The following SLC35F3 variants were observed in gnomAD, a reference collection of about 807,000 sequenced individuals.
SLC35F3 encodes putative thiamine transporter SLC35F3.
In SLC35F3, 25 loss-of-function variants were observed where a neutral mutation model predicts 49.9. The observed-to-expected ratio is 0.50, with a 90% CI of 0.37 to 0.70. The LOEUF is 0.70. Ranked by LOEUF, SLC35F3 falls within the 30% of genes least tolerant of loss-of-function variation. The probability of loss-of-function intolerance (pLI) is 0.00; values close to 1 mark genes in which losing one functional copy is unlikely to be tolerated. For synonymous variants in SLC35F3, 275 were observed against 265.4 expected (o/e 1.04, Z -0.35); for missense variants, 525 against 639.8 (o/e 0.82, Z 1.94).
chr1:234,031,981 C>T (rs936213779), intron 2 of SLC35F3, among the ~76,000 whole-genome samples: 4 of 152,104 alleles, frequency 2.6e-5, no homozygotes, highest in Non-Finnish European at 5.9e-5. Context: ...CAGCCCACTG[C>T]ACCCCTCCAA....
intron 2 of SLC35F3, among the ~76,000 whole-genome samples, chr1:234,222,161 G>A (rs1667216053): frequency 6.6e-6 from 1 of 152,208 alleles, no homozygotes; most frequent in Non-Finnish European, 1.5e-5. Flanking sequence ...GGCATAAAAG[G>A]AGGTACAGAA....
At chr1:233,963,854 T>G (rs12135117) in intron 2 of SLC35F3, among the ~76,000 whole-genome samples, 1 of 152,164 alleles carries the variant, frequency 6.6e-6, no homozygotes, top group East Asian at 1.9e-4. Context: ...TTTGCACTTA[T>G]AGTTGGCTCT....
chr1:234,083,833 T>C (rs1386034618), intron 2 of SLC35F3, among the ~76,000 whole-genome samples: 1 of 105,626 alleles, frequency 9.5e-6, no homozygotes, highest in African/African-American at 3.4e-5. Context: ...TTGTTTTTGG[T>C]TTTGGCTTTT....
rs1190316188 is a variant in SLC35F3, at chr1:234,318,828, C to T, written c.1032C>T (p.Asn344=). ...ALFLSILGVF[N]ILFITCIPII... is the part of the protein sequence containing the mutation. ...TTTTGTCCATCTTGGGTGTGTTTAA[C>T]ATCCTCTTCATCACCTGCATTCCTA... is the stretch of plus-strand genomic sequence containing the variant. Residue 344 remains asparagine, a synonymous_variant, in exon 6 of 8, where the codon AAC becomes AAT. Coordinates refer to ENST00000366618, the MANE Select transcript of SLC35F3 (RefSeq NM_173508.4). 6.2e-7 allele frequency: 1 copy of T among 1,614,236 alleles called. No homozygotes were observed. Among genetic ancestry groups the T allele is most frequent in the Admixed American group, 1.7e-5 (1 of 60,028 alleles).
chr1:233,909,763 C>T (rs1661844788), intron 2 of SLC35F3, among the ~76,000 whole-genome samples: 1 of 152,210 alleles, frequency 6.6e-6, no homozygotes, highest in African/African-American at 2.4e-5. Context: ...CAGTAGCTTA[C>T]CACCCTGCCC....
chr1:233,968,349 CT>C (rs201976848), intron 2 of SLC35F3, among the ~76,000 whole-genome samples: 2 of 151,598 alleles, frequency 1.3e-5, no homozygotes, highest in East Asian at 1.9e-4. Context: ...GACCCTATTT[CT>C]TTTTTTTTCC....
chr1:234,216,398 G>A (rs573640724), intron 2 of SLC35F3, among the ~76,000 whole-genome samples: 53 of 152,324 alleles, frequency 3.5e-4, no homozygotes, highest in African/African-American at 1.3e-3. Context: ...ACTGGGTGCT[G>A]TGGCCTCAGA....
intron 3 of SLC35F3, among the ~76,000 whole-genome samples, chr1:234,244,662 C>G (rs1207445439): frequency 6.7e-6 from 1 of 150,314 alleles, no homozygotes. Flanking sequence ...AATTAGTAGA[C>G]TAGCAGAGGG....
In SLC35F3 at chr1:234,144,297, C is replaced by T. The variant is rs186562001; in HGVS notation, c.284-87120C>T. On this transcript the variant is annotated intron_variant, in intron 2 of 7. Transcript: ENST00000366618. Reference sequence around the variant, plus strand: ...TGTGCAGGGCTGACTGCAGGGTGTCCTCAGTTTCCAAGGGCAGGTGCAGGA... The same window carrying T: ...TGTGCAGGGCTGACTGCAGGGTGTCTTCAGTTTCCAAGGGCAGGTGCAGGA... Among the ~76,000 whole-genome samples the T allele has an allele frequency of 2.6e-5, 4 of 152,282 alleles. No individual in the cohort carries two copies. In the East Asian group the frequency reaches 7.7e-4, roughly 29 times the overall value.
chr1:234,242,581 T>G (rs1167605388), intron 3 of SLC35F3, among the ~76,000 whole-genome samples: 1 of 152,242 alleles, frequency 6.6e-6, no homozygotes, highest in Non-Finnish European at 1.5e-5. Context: ...CCTTTTCTGA[T>G]ATTTGGGCAA....
chr1:234,138,638 C>T (rs940457212), intron 2 of SLC35F3, among the ~76,000 whole-genome samples: 4 of 152,172 alleles, frequency 2.6e-5, no homozygotes, highest in Admixed American at 1.3e-4. Context: ...GCCTTGACCT[C>T]CTGTGCACAA....
At chr1:234,030,142 T>C (rs145088463) in intron 2 of SLC35F3, among the ~76,000 whole-genome samples, 15 of 152,336 alleles carry the variant, frequency 9.8e-5, no homozygotes, top group African/African-American at 3.6e-4. Flanking sequence ...ATTCCCAATA[T>C]TATCTTTCAC....
At chr1:233,930,229 A>G (rs1662221535) in intron 2 of SLC35F3, among the ~76,000 whole-genome samples, 1 of 152,062 alleles carries the variant, frequency 6.6e-6, no homozygotes, top group South Asian at 2.1e-4. Context: ...GAGAGTTGTC[A>G]CTTTGAGAAC....
At chr1:234,037,514 C>T (rs1664161330) in intron 2 of SLC35F3, among the ~76,000 whole-genome samples, 1 of 152,140 alleles carries the variant, frequency 6.6e-6, no homozygotes, top group Admixed American at 6.5e-5. Context: ...GTGAATAAAA[C>T]AGACAATAGC....
chr1:233,915,592 G>A (rs141932186), intron 2 of SLC35F3, among the ~76,000 whole-genome samples: 1 of 152,260 alleles, frequency 6.6e-6, no homozygotes, highest in African/African-American at 2.4e-5. Flanking sequence ...AAAAGGAATA[G>A]AATGATGATG....
intron 2 of SLC35F3, among the ~76,000 whole-genome samples, chr1:233,915,658 A>G (rs957426428): frequency 3.3e-5 from 5 of 152,214 alleles, no homozygotes; most frequent in Admixed American, 6.5e-5. Context: ...AGATTGGGCA[A>G]TTTACAAAAG....
At chr1:234,226,987 G>A (rs1005886083) in intron 2 of SLC35F3, among the ~76,000 whole-genome samples, 1 of 109,478 alleles carries the variant, frequency 9.1e-6, no homozygotes, top group Non-Finnish European at 1.8e-5. Context: ...ACACACACAC[G>A]TGCTCAATGG....
At chr1:233,971,717 C>A (rs1402474156) in intron 2 of SLC35F3, among the ~76,000 whole-genome samples, 271 of 117,206 alleles carry the variant, frequency 2.3e-3, no homozygotes, top group East Asian at 3.5e-3. Context: ...GACTCCGACT[C>A]AAAAAAAAAA....
At chr1:234,218,182 T>C (rs368068142) in intron 2 of SLC35F3, among the ~76,000 whole-genome samples, 7 of 152,346 alleles carry the variant, frequency 4.6e-5, no homozygotes, top group African/African-American at 1.7e-4. Context: ...AGCACATCTC[T>C]AATAGACTAG....
Sources: gnomAD v4.1 joint callset for allele counts (sites outside exome capture counted in the v4.1 genomes callset) on GRCh38, gnomAD v4.1.1 for gene constraint, MANE v1.5 for transcripts, NCBI Gene and HGNC (gene_info 2026-07-23, HGNC 2026-07-21) for gene names.